The following ZBTB20 variants were observed in gnomAD, a reference collection of about 807,000 sequenced individuals.
ZBTB20 encodes the protein zinc finger and BTB domain-containing protein 20.
Under a neutral mutation model 56.9 loss-of-function variants are expected in ZBTB20, and 9 were observed. The observed-to-expected ratio is 0.16, with a 90% CI of 0.10 to 0.28. The LOEUF is 0.28. Among genes scored for constraint, ZBTB20 ranks in the 10% least tolerant of loss-of-function variants. ZBTB20 has a pLI of 1.00. For synonymous variants in ZBTB20, 417 were observed against 420.7 expected (o/e 0.99, Z 0.11); for missense variants, 655 against 1,003.0 (o/e 0.65, Z 4.69).
chr3:114,844,520 CA>C (rs71146342), intron 4 of ZBTB20, among the ~76,000 whole-genome samples: 43 of 22,792 alleles, frequency 1.9e-3, no homozygotes, highest in South Asian at 0.016. Flanking sequence ...GTCCCTGTCT[CA>C]AAAAAAAAAA....
At chr3:114,381,774 C>A (rs557248589) in intron 8 of ZBTB20, among the ~76,000 whole-genome samples, 1 of 152,170 alleles carries the variant, frequency 6.6e-6, no homozygotes, top group Non-Finnish European at 1.5e-5. Context: ...TTCAGTCCAA[C>A]AGGTTGTGAA....
chr3:114,814,827 AACCC>A (rs944966043), intron 4 of ZBTB20, among the ~76,000 whole-genome samples: 2 of 152,204 alleles, frequency 1.3e-5, no homozygotes, highest in Non-Finnish European at 2.9e-5. Context: ...TTCACTCAAT[AACCC>A]ACGTTCCCTA....
intron 6 of ZBTB20, among the ~76,000 whole-genome samples, chr3:114,675,623 A>T (rs1307603482): frequency 6.6e-6 from 1 of 152,196 alleles, no homozygotes; most frequent in Admixed American, 6.5e-5. Flanking sequence ...GCTACCACAC[A>T]TATTCTGTTA....
At chr3:114,447,840 A>G (rs1388700923) in intron 7 of ZBTB20, among the ~76,000 whole-genome samples, 1 of 152,186 alleles carries the variant, frequency 6.6e-6, no homozygotes, top group Non-Finnish European at 1.5e-5. Context: ...AGCAACCATG[A>G]AAAACAGCTT....
intron 5 of ZBTB20, among the ~76,000 whole-genome samples, chr3:114,743,999 A>G (rs2066836868): frequency 1.3e-5 from 2 of 152,192 alleles, no homozygotes; most frequent in Non-Finnish European, 2.9e-5. Flanking sequence ...AGAGAAAGCA[A>G]GGAGTAGAGC....
intron 2 of ZBTB20, among the ~76,000 whole-genome samples, chr3:115,003,898 C>CA (rs1281706079): frequency 6.6e-6 from 1 of 151,082 alleles, no homozygotes; most frequent in Non-Finnish European, 1.5e-5. Context: ...TTAAAAACTC[C>CA]AAAAAACATT....
At chr3:114,963,397 C>T (rs2077527536) in intron 3 of ZBTB20, among the ~76,000 whole-genome samples, 1 of 152,098 alleles carries the variant, frequency 6.6e-6, no homozygotes, top group Non-Finnish European at 1.5e-5. Context: ...ATACTCAGTG[C>T]TTAAATCTAT....
intron 7 of ZBTB20, among the ~76,000 whole-genome samples, chr3:114,470,272 G>T (rs1178548472): frequency 5.3e-5 from 8 of 152,126 alleles, no homozygotes; most frequent in Admixed American, 5.2e-4. Flanking sequence ...TCCTTTGAAA[G>T]TTTCTGTTTT....
At chr3:114,622,194 G>A (rs946906155) in intron 6 of ZBTB20, among the ~76,000 whole-genome samples, 3 of 151,940 alleles carry the variant, frequency 2.0e-5, no homozygotes, top group African/African-American at 4.8e-5. Context: ...AGTCTGGGCA[G>A]TTTGAATATT....
At chr3:114,746,624 G>T (rs1270887527) in intron 5 of ZBTB20, among the ~76,000 whole-genome samples, 1 of 152,106 alleles carries the variant, frequency 6.6e-6, no homozygotes, top group African/African-American at 2.4e-5. Context: ...TGAAAAATTG[G>T]TTGTTCCTCA....
At chr3:114,469,010 CAAAAAAAAAAAAAA>C (rs1164804884) in intron 7 of ZBTB20, among the ~76,000 whole-genome samples, 1 of 67,064 alleles carries the variant, frequency 1.5e-5, no homozygotes, top group Non-Finnish European at 3.1e-5. Context: ...TCAAGAGAAG[CAAAAAAAAAAAAAA>C]AAAAAAAAAA....
chr3:114,530,336 C>A (rs2047700648), intron 6 of ZBTB20, among the ~76,000 whole-genome samples: 1 of 152,130 alleles, frequency 6.6e-6, no homozygotes, highest in South Asian at 2.1e-4. Context: ...TGAAAACTTA[C>A]CATTCTGTTA....
Position 114,865,021 on chromosome 3 carries a change from C to T in ZBTB20, c.-417+35283G>A, listed in dbSNP as rs117610603. On this transcript the variant is annotated intron_variant, in intron 4 of 11. Coordinates refer to ENST00000675478, the MANE Select transcript of ZBTB20 (RefSeq NM_001348800.3). ...GAGTTTTCCTCCCATAAGCAACAGC[C>T]AGATGACAACCAACTTCTCATTAGT... Among the ~76,000 whole-genome samples, 7 of 152,134 alleles carry T rather than the reference C, an allele frequency of 4.6e-5. 1 individual carries two copies. The East Asian group carries it at 1.3e-3, about 29-fold the overall frequency.
chr3:114,786,513 G>T (rs1007678656), intron 5 of ZBTB20, among the ~76,000 whole-genome samples: 2 of 152,020 alleles, frequency 1.3e-5, no homozygotes, highest in Non-Finnish European at 2.9e-5. Context: ...CTAAAAAATT[G>T]AATTAATATA....
At chr3:114,809,307 T>C (rs2072342833) in intron 4 of ZBTB20, among the ~76,000 whole-genome samples, 1 of 152,120 alleles carries the variant, frequency 6.6e-6, no homozygotes, top group Non-Finnish European at 1.5e-5. Flanking sequence ...CCATTACACA[T>C]ATGTTAGTAT....
At chr3:114,616,583 C>T (rs2057961263) in intron 6 of ZBTB20, among the ~76,000 whole-genome samples, 1 of 152,162 alleles carries the variant, frequency 6.6e-6, no homozygotes, top group Admixed American at 6.6e-5. Flanking sequence ...TCCAGAAATG[C>T]ACTGTATATA....
intron 2 of ZBTB20, among the ~76,000 whole-genome samples, chr3:115,052,982 C>A (rs1245100025): frequency 1.3e-5 from 2 of 152,096 alleles, no homozygotes; most frequent in Non-Finnish European, 2.9e-5. Context: ...GTTTTTTGTA[C>A]TCTTCAGTAA....
chr3:114,754,504 T>C (rs1448218249), intron 5 of ZBTB20, among the ~76,000 whole-genome samples: 1 of 152,150 alleles, frequency 6.6e-6, no homozygotes, highest in Admixed American at 6.5e-5. Context: ...AACAACTGTA[T>C]ACTTAGTGAT....
chr3:115,024,946 TTTAA>T (rs566742123), intron 2 of ZBTB20, among the ~76,000 whole-genome samples: 8 of 151,276 alleles, frequency 5.3e-5, no homozygotes, highest in Non-Finnish European at 1.2e-4. Flanking sequence ...TTATTCTTTC[TTTAA>T]CTTTTATTTT....
Sources: allele counts gnomAD v4.1 joint callset (sites outside exome capture counted in the v4.1 genomes callset), GRCh38; gene constraint gnomAD v4.1.1; transcripts MANE v1.5; gene names NCBI Gene and HGNC (gene_info 2026-07-23, HGNC 2026-07-21).